The following TAF3 variants were observed in gnomAD, a reference collection of about 807,000 sequenced individuals.
TAF3 encodes the protein transcription initiation factor TFIID subunit 3.
In TAF3, 7 loss-of-function variants were observed where a neutral mutation model predicts 80.6. The ratio of observed to expected loss-of-function variants is 0.09; its 90% CI spans 0.05 to 0.16. The LOEUF is 0.16. TAF3 is among the 10% of genes least tolerant of loss of function. The pLI is 1.00. For synonymous variants in TAF3, 444 were observed against 446.1 expected, an observed-to-expected ratio of 1.00 and a Z score of 0.06; for missense variants, 921 against 1,140.2, an observed-to-expected ratio of 0.81 and a Z score of 2.77.
At chr10:7,941,399 T>C (rs1837974525) in intron 2 of TAF3, among the ~76,000 whole-genome samples, 1 of 151,868 alleles carries the variant, frequency 6.6e-6, no homozygotes, top group Admixed American at 6.6e-5. Context: ...GTCAGCAGGG[T>C]GGGGATTATT....
chr10:7,960,459 C>T (rs911766342), intron 2 of TAF3, among the ~76,000 whole-genome samples: 5 of 152,098 alleles, frequency 3.3e-5, no homozygotes, highest in East Asian at 1.9e-4. Context: ...AAAGGGAGTA[C>T]GTGGTTATTT....
chr10:7,859,378 A>T (rs1200135273), intron 2 of TAF3, among the ~76,000 whole-genome samples: 1 of 152,166 alleles, frequency 6.6e-6, no homozygotes. Context: ...TGCCATGTGG[A>T]TTCTGAGTTT....
chr10:7,935,993 C>T (rs763723359), intron 2 of TAF3, among the ~76,000 whole-genome samples: 8 of 152,010 alleles, frequency 5.3e-5, no homozygotes, highest in Non-Finnish European at 1.2e-4. Flanking sequence ...TAGGGGCTCA[C>T]GGAGGGAAGC....
At chr10:7,917,737 C>T (rs924051776) in intron 2 of TAF3, among the ~76,000 whole-genome samples, 17 of 152,114 alleles carry the variant, frequency 1.1e-4, no homozygotes, top group African/African-American at 3.1e-4. Context: ...GGACTAGATA[C>T]GGGGTGCGAG....
intron 4 of TAF3, among the ~76,000 whole-genome samples, chr10:7,986,731 AAG>A (rs1262776895): frequency 2.0e-5 from 3 of 152,172 alleles, no homozygotes; most frequent in Non-Finnish European, 2.9e-5. Flanking sequence ...CAATGAGAGA[AAG>A]AAGTCCATAT....
At chr10:7,884,805 C>A in intron 2 of TAF3, among the ~76,000 whole-genome samples, 1 of 152,140 alleles carries the variant, frequency 6.6e-6, no homozygotes, top group Non-Finnish European at 1.5e-5. Flanking sequence ...TTATCCATAT[C>A]CATACATACA....
At chr10:7,905,114 T>C (rs1837595103) in intron 2 of TAF3, among the ~76,000 whole-genome samples, 2 of 152,162 alleles carry the variant, frequency 1.3e-5, no homozygotes, top group Admixed American at 1.3e-4. Flanking sequence ...AAGAATATTC[T>C]TAGTCTTTAA....
Position 8,000,612 on chromosome 10 carries a change from A to C in TAF3, c.2316-8466A>C, listed in dbSNP as rs192257637. Among the ~76,000 whole-genome samples, 141 of 152,102 alleles carry C rather than the reference A, an allele frequency of 9.3e-4. 2 individuals are homozygous for C. The East Asian group carries it at 0.02, about 22-fold the overall frequency. Reference sequence around the variant, plus strand: ...CAAAACCCCGTCTCTACACACAAAAAAATACGTATACAAAAAATTAGCCAG... The same window carrying C: ...CAAAACCCCGTCTCTACACACAAAACAATACGTATACAAAAAATTAGCCAG... On this transcript the variant is annotated intron_variant, in intron 4 of 6. Coordinates refer to ENST00000344293, the MANE Select transcript of TAF3 (RefSeq NM_031923.4).
intron 4 of TAF3, among the ~76,000 whole-genome samples, chr10:8,004,167 C>T (rs1443344223): frequency 1.3e-5 from 2 of 152,040 alleles, no homozygotes; most frequent in Non-Finnish European, 2.9e-5. Flanking sequence ...TCTCCTGCCT[C>T]CTCCTCTGGA....
intron 2 of TAF3, among the ~76,000 whole-genome samples, chr10:7,897,457 AT>A (rs1190518150): frequency 6.6e-6 from 1 of 152,104 alleles, no homozygotes; most frequent in Non-Finnish European, 1.5e-5. Flanking sequence ...TCTCTAGCAA[AT>A]TTAGATTCTT....
intron 2 of TAF3, among the ~76,000 whole-genome samples, chr10:7,864,458 T>C (rs1837189498): frequency 6.6e-6 from 1 of 152,126 alleles, no homozygotes; most frequent in African/African-American, 2.4e-5. Flanking sequence ...ATCCACTCTC[T>C]ACATTTTAAA....
At chr10:7,845,755 C>T (rs1261239053) in intron 2 of TAF3, among the ~76,000 whole-genome samples, 1 of 152,114 alleles carries the variant, frequency 6.6e-6, no homozygotes, top group East Asian at 1.9e-4. Flanking sequence ...TGTGAGAGGC[C>T]ATTCCTTAGT....
chr10:7,974,167 CACACAA>C lies in TAF3; in HGVS notation c.2233-3068_2233-3063del, dbSNP rs1276943373. On this transcript the variant is annotated intron_variant, in intron 3 of 6. Transcript: ENST00000344293. ...ACACACACACACACACACACACACA[CACACAA>C]ACACACACACGAGACTTGAATGCTA... is the stretch of plus-strand genomic sequence containing the variant. Among the ~76,000 whole-genome samples the C allele has an allele frequency of 5.1e-4, 73 of 142,434 alleles. 1 individual carries two copies. The highest frequency in any genetic ancestry group is 1.8e-3 in the African/African-American group (72 of 39,976). The allele number at this position is 142,434 out of a possible 152,430, so 93.4% of individuals were successfully genotyped here. A position where few individuals can be genotyped will look rare whatever the true frequency, so the allele number is the denominator to read the frequency against.
At chr10:7,924,021 T>C (rs556001948) in intron 2 of TAF3, among the ~76,000 whole-genome samples, 3 of 152,312 alleles carry the variant, frequency 2.0e-5, no homozygotes, top group African/African-American at 7.2e-5. Flanking sequence ...AAGTCTGTAG[T>C]TGACAGTATT....
chr10:7,892,801 T>C (rs113122405), intron 2 of TAF3, among the ~76,000 whole-genome samples: 1,634 of 151,784 alleles, frequency 0.011, 20 homozygotes, highest in Middle Eastern at 0.031. Context: ...TATTTCAATA[T>C]ATTTTCTTTT....
At chr10:7,997,938 A>G (rs1032706192) in intron 4 of TAF3, among the ~76,000 whole-genome samples, 2 of 152,210 alleles carry the variant, frequency 1.3e-5, no homozygotes, top group Non-Finnish European at 2.9e-5. Context: ...TTATCTCACA[A>G]GTGATGAAAA....
intron 2 of TAF3, among the ~76,000 whole-genome samples, chr10:7,879,260 A>G (rs560806454): frequency 1.3e-5 from 2 of 152,304 alleles, no homozygotes; most frequent in African/African-American, 4.8e-5. Flanking sequence ...TTCACCAATT[A>G]TAGTTAAACT....
chr10:7,866,221 C>T (rs963502059), intron 2 of TAF3, among the ~76,000 whole-genome samples: 1 of 152,218 alleles, frequency 6.6e-6, no homozygotes, highest in African/African-American at 2.4e-5. Flanking sequence ...CCACTCTGTG[C>T]CGTCACTCTT....
In TAF3 at chr10:7,842,151, G is replaced by GTTTTTTTTT. The variant is rs71505465; in HGVS notation, c.409+17595_409+17603dup. On this transcript the variant is annotated intron_variant, in intron 2 of 6. Coordinates refer to ENST00000344293, the MANE Select transcript of TAF3 (RefSeq NM_031923.4). Reference sequence around the variant, plus strand: ...CATTGTAGGATATTGAATTAATATTGTTTTTTTTTTTTGTTTTTTTTTTTG... The same window carrying GTTTTTTTTT: ...CATTGTAGGATATTGAATTAATATTGTTTTTTTTTTTTTTTTTTTTTGTTTTTTTTTTTG... 1.8e-4 allele frequency among the ~76,000 whole-genome samples: 18 copies of GTTTTTTTTT among 98,796 alleles called. 1 individual carries two copies. Among genetic ancestry groups the GTTTTTTTTT allele is most frequent in the Non-Finnish European group, 3.0e-4 (14 of 46,636 alleles). The allele number at this position is 98,796 out of a possible 152,430, so 64.8% of individuals were successfully genotyped here.
Sources: allele counts gnomAD v4.1 joint callset (sites outside exome capture counted in the v4.1 genomes callset), GRCh38; gene constraint gnomAD v4.1.1; transcripts MANE v1.5; gene names NCBI Gene and HGNC (gene_info 2026-07-23, HGNC 2026-07-21).